Variants in NELL2 observed in about 807,000 individuals in gnomAD.
The protein encoded by NELL2 is neural EGFL like 2, also known as protein kinase C-binding protein NELL2.
NELL2 carries 41 observed loss-of-function variants against 109.6 expected under a neutral mutation model. The observed-to-expected ratio is 0.37, with a 90% CI of 0.29 to 0.49. The LOEUF is 0.49. Ranked by LOEUF, NELL2 falls within the 20% of genes least tolerant of loss-of-function variation. The pLI, the probability that NELL2 is intolerant of heterozygous loss-of-function variation, is 0.98. For synonymous variants in NELL2, 355 were observed against 344.7 expected, an observed-to-expected ratio of 1.03 and a Z score of -0.33; for missense variants, 900 against 1,008.3, an observed-to-expected ratio of 0.89 and a Z score of 1.45.
chr12:44,733,595 G>C (rs1230118706), intron 9 of NELL2, among the ~76,000 whole-genome samples: 1 of 151,946 alleles, frequency 6.6e-6, no homozygotes, highest in Non-Finnish European at 1.5e-5. Context: ...TGGTTATAGA[G>C]TTTCAGTCAT....
chr12:44,878,636 G>A (rs1274396286), upstream of NELL2, among the ~76,000 whole-genome samples: 1 of 152,042 alleles, frequency 6.6e-6, no homozygotes, highest in Non-Finnish European at 1.5e-5. Flanking sequence ...TGGTATTCTA[G>A]GGAATACAAT....
intron 18 of NELL2, among the ~76,000 whole-genome samples, chr12:44,521,344 A>C (rs1350179692): frequency 6.6e-6 from 1 of 151,714 alleles, no homozygotes; most frequent in Non-Finnish European, 1.5e-5. Flanking sequence ...TCCCGGCTAA[A>C]ACGGTGAAAC....
intron 15 of NELL2, among the ~76,000 whole-genome samples, chr12:44,595,839 C>T (rs1236048331): frequency 6.6e-6 from 1 of 152,072 alleles, no homozygotes; most frequent in Non-Finnish European, 1.5e-5. Context: ...TTGAGAAAAT[C>T]GGCAATGGAA....
chr12:44,635,555 G>T (rs61793320), intron 13 of NELL2, among the ~76,000 whole-genome samples: 5,669 of 152,148 alleles, frequency 0.037, 360 homozygotes, highest in African/African-American at 0.13. Context: ...TTTCCCCATT[G>T]CTTGTTTTTC....
At chr12:44,779,525 T>TA (rs528480170) in intron 5 of NELL2, 138 bp downstream of exon 5, 3 of 682,680 alleles carry the variant, frequency 4.4e-6, no homozygotes, top group South Asian at 4.0e-5. Context: ...TATTACTGTT[T>TA]AAAAAAATGA....
chr12:44,565,464 C>G (rs1443520526), intron 15 of NELL2, among the ~76,000 whole-genome samples: 2 of 152,118 alleles, frequency 1.3e-5, no homozygotes, highest in Non-Finnish European at 2.9e-5. Flanking sequence ...TGTATTGTAA[C>G]TCTTGTGTGA....
intron 2 of NELL2, among the ~76,000 whole-genome samples, chr12:44,867,107 A>T (rs1438568057): frequency 1.3e-5 from 2 of 152,244 alleles, no homozygotes; most frequent in Non-Finnish European, 1.5e-5. Flanking sequence ...AAAATGAAGA[A>T]GAGGGAATAA....
chr12:44,632,889 A>G (rs1255527560), intron 13 of NELL2, among the ~76,000 whole-genome samples: 2 of 152,138 alleles, frequency 1.3e-5, no homozygotes, highest in Middle Eastern at 3.4e-3. Flanking sequence ...TGTTTTCCCA[A>G]AGGAGAATGC....
rs145836918 is a variant in NELL2 at position 44,837,723 on chromosome 12, A to G, written c.185-21587T>C. On this transcript the variant is annotated intron_variant, in intron 2 of 19. Coordinates refer to ENST00000429094, the MANE Select transcript of NELL2 (RefSeq NM_001145108.2). ...TTTCTTAAGTTGATTCATATCTGCC[A>G]GATCCTTTTCCAAATACTTTTGCAG... Among the ~76,000 whole-genome samples, 201 of 152,232 alleles carry G rather than the reference A, an allele frequency of 1.3e-3. 1 individual carries two copies. Among genetic ancestry groups the G allele is most frequent in the African/African-American group, 4.5e-3 (187 of 41,542 alleles).
intron 9 of NELL2, among the ~76,000 whole-genome samples, chr12:44,715,168 C>T (rs542517201): frequency 1.8e-4 from 27 of 151,038 alleles, no homozygotes; most frequent in South Asian, 1.5e-3. Flanking sequence ...TAAAATAGAA[C>T]ATTATAATAG....
rs191770923 is a variant in NELL2, at chr12:44,819,027, C to G, written c.185-2891G>C. On this transcript the variant is annotated intron_variant, in intron 2 of 19. Transcript: ENST00000429094. Reference sequence around the variant, plus strand: ...AAAGTGCTGGGATTACAGGCGTGAGCCACCGCGCCCGGCCAGTTCACTTAT... The same window carrying G: ...AAAGTGCTGGGATTACAGGCGTGAGGCACCGCGCCCGGCCAGTTCACTTAT... Among the ~76,000 whole-genome samples, 747 of 152,128 alleles carry G rather than the reference C, an allele frequency of 4.9e-3. 6 individuals are homozygous for G. Among genetic ancestry groups the G allele is most frequent in the African/African-American group, 0.017 (695 of 41,518 alleles).
At chr12:44,626,895 TAC>T (rs1946287318) in intron 13 of NELL2, among the ~76,000 whole-genome samples, 1 of 152,222 alleles carries the variant, frequency 6.6e-6, no homozygotes, top group South Asian at 2.1e-4. Context: ...TACAGAAATT[TAC>T]ATTTTGTTTT....
intron 13 of NELL2, among the ~76,000 whole-genome samples, chr12:44,650,346 T>C (rs1230961360): frequency 6.7e-6 from 1 of 149,534 alleles, no homozygotes; most frequent in Admixed American, 6.7e-5. Flanking sequence ...AAGACTAGAG[T>C]GCAGTGGTGT....
intron 3 of NELL2, among the ~76,000 whole-genome samples, chr12:44,795,384 C>T (rs1014056463): frequency 6.6e-6 from 1 of 152,158 alleles, no homozygotes; most frequent in Non-Finnish European, 1.5e-5. Context: ...CTCACTACTA[C>T]CTGTGACCTA....
chr12:44,675,987 T>C (rs1297321455), intron 12 of NELL2, among the ~76,000 whole-genome samples: 1 of 152,122 alleles, frequency 6.6e-6, no homozygotes, highest in African/African-American at 2.4e-5. Context: ...TGCTGTTTTG[T>C]TTTTTAAAGT....
intron 3 of NELL2, among the ~76,000 whole-genome samples, chr12:44,812,078 G>A (rs1383687395): frequency 6.6e-6 from 1 of 151,750 alleles, no homozygotes; most frequent in African/African-American, 2.4e-5. Flanking sequence ...TTGAAGCGCT[G>A]GACCTACACC....
chr12:44,706,682 AAAGTT>A (rs1408740763), intron 11 of NELL2, among the ~76,000 whole-genome samples: 3 of 152,206 alleles, frequency 2.0e-5, no homozygotes, highest in Non-Finnish European at 2.9e-5. Flanking sequence ...GTTAATAACT[AAAGTT>A]ATTAGAGCAC....
intron 9 of NELL2, among the ~76,000 whole-genome samples, chr12:44,734,047 C>T (rs997464799): frequency 2.6e-5 from 4 of 151,818 alleles, no homozygotes; most frequent in Admixed American, 1.3e-4. Flanking sequence ...TCAAGTGCTC[C>T]GTTTGCCTAA....
chr12:44,587,307 A>AT lies in NELL2; in HGVS notation c.1663+19861dup, dbSNP rs67322195. ...AAAATATATATATATATATATATAT[A>AT]TTTTTTTTTAAATATGAAGTTATAT... On this transcript the variant is annotated intron_variant, in intron 15 of 19. Transcript: ENST00000429094. 3.8e-3 allele frequency among the ~76,000 whole-genome samples: 367 copies of AT among 96,640 alleles called. 12 individuals carry two copies. Among genetic ancestry groups the AT allele is most frequent in the African/African-American group, 0.014 (345 of 23,990 alleles). The allele number at this position is 96,640 out of a possible 152,430, so 63.4% of individuals were successfully genotyped here.
Sources: gnomAD v4.1 joint callset for allele counts (sites outside exome capture counted in the v4.1 genomes callset) on GRCh38, gnomAD v4.1.1 for gene constraint, MANE v1.5 for transcripts, NCBI Gene and HGNC (gene_info 2026-07-23, HGNC 2026-07-21) for gene names.